The following SEMA3E variants were observed in gnomAD, a reference collection of about 807,000 sequenced individuals.
SEMA3E encodes the protein semaphorin 3E.
SEMA3E carries 49 observed loss-of-function variants against 93.6 expected under a neutral mutation model. The ratio of observed to expected loss-of-function variants is 0.52; its 90% CI spans 0.42 to 0.66. SEMA3E has a LOEUF of 0.66. SEMA3E is among the 30% of genes least tolerant of loss of function. SEMA3E has a pLI of 0.00. For missense variants in SEMA3E, 906 were observed against 964.8 expected, an observed-to-expected ratio of 0.94 and a Z score of 0.81; for synonymous variants, 363 against 330.7, an observed-to-expected ratio of 1.10 and a Z score of -1.06.
chr7:83,610,979 A>C (rs564014495), intron 1 of SEMA3E, among the ~76,000 whole-genome samples: 23 of 151,944 alleles, frequency 1.5e-4, no homozygotes, highest in Non-Finnish European at 3.1e-4. Context: ...CTTGCTTTAT[A>C]TTTAAGAGAA....
intron 4 of SEMA3E, among the ~76,000 whole-genome samples, chr7:83,434,986 T>G (rs528752724): frequency 7.9e-5 from 12 of 152,210 alleles, no homozygotes. Context: ...GTGCTGGGAT[T>G]ACAGGCGTGA....
At chr7:83,526,038 T>A (rs1379006772) in intron 1 of SEMA3E, among the ~76,000 whole-genome samples, 6 of 152,042 alleles carry the variant, frequency 3.9e-5, no homozygotes, top group Admixed American at 2.6e-4. Flanking sequence ...CAACTGTGTC[T>A]CTGGAGAGCT....
At position 83,571,804 on chromosome 7, in the gene SEMA3E, T is replaced by C. The variant is rs183567995; in HGVS notation, c.115+76624A>G. 1.5e-3 allele frequency among the ~76,000 whole-genome samples: 226 copies of C among 152,334 alleles called. 1 individual carries two copies. Among genetic ancestry groups the C allele is most frequent in the African/African-American group, 5.4e-3 (223 of 41,588 alleles). On this transcript the variant is annotated intron_variant, in intron 1 of 16. Transcript: ENST00000643230. Reference sequence around the variant, plus strand: ...AAATTATCTCTCTTTGCTGACAGTATGAATCTTTACATAGAAAACCCTGAA... The same window carrying C: ...AAATTATCTCTCTTTGCTGACAGTACGAATCTTTACATAGAAAACCCTGAA...
intron 4 of SEMA3E, among the ~76,000 whole-genome samples, chr7:83,445,872 G>A (rs370206826): frequency 8.5e-5 from 13 of 152,202 alleles, no homozygotes; most frequent in Admixed American, 2.0e-4. Context: ...TTTACTTTAC[G>A]GCCTCCATTT....
intron 16 of SEMA3E, among the ~76,000 whole-genome samples, chr7:83,382,022 A>C (rs1787787312): frequency 6.6e-6 from 1 of 151,998 alleles, no homozygotes. Context: ...CTGACAAAGA[A>C]AAATCTATAT....
intron 1 of SEMA3E, among the ~76,000 whole-genome samples, chr7:83,640,240 C>T (rs780878408): frequency 2.0e-5 from 3 of 152,130 alleles, no homozygotes; most frequent in Non-Finnish European, 4.4e-5. Context: ...GATTCTGTTC[C>T]ACCACTCTAT....
intron 1 of SEMA3E, among the ~76,000 whole-genome samples, chr7:83,505,399 T>G (rs1187565711): frequency 1.3e-5 from 2 of 152,110 alleles, no homozygotes; most frequent in Non-Finnish European, 1.5e-5. Flanking sequence ...GGAGATCATA[T>G]CCCTAAAAAT....
chr7:83,509,625 A>G (rs957454810), intron 1 of SEMA3E, among the ~76,000 whole-genome samples: 9 of 152,130 alleles, frequency 5.9e-5, no homozygotes, highest in African/African-American at 1.7e-4. Flanking sequence ...TTCATTTCCA[A>G]TTTTGACTCT....
chr7:83,405,062 G>A (rs146554201), intron 9 of SEMA3E, among the ~76,000 whole-genome samples: 224 of 151,990 alleles, frequency 1.5e-3, no homozygotes, highest in African/African-American at 5.3e-3. Context: ...TGAAAGCCTG[G>A]CTTGGAAAAT....
At chr7:83,380,919 A>G (rs1041836118) in intron 16 of SEMA3E, among the ~76,000 whole-genome samples, 1 of 152,012 alleles carries the variant, frequency 6.6e-6, no homozygotes, top group African/African-American at 2.4e-5. Flanking sequence ...AGTGAAAAAT[A>G]TAGCAAAGCA....
chr7:83,567,723 A>C (rs961747215), intron 1 of SEMA3E, among the ~76,000 whole-genome samples: 69 of 152,082 alleles, frequency 4.5e-4, no homozygotes, highest in African/African-American at 1.6e-3. Context: ...ATCCTGAAAC[A>C]TAATATACAA....
At chr7:83,592,092 T>C (rs1792767217) in intron 1 of SEMA3E, among the ~76,000 whole-genome samples, 1 of 152,106 alleles carries the variant, frequency 6.6e-6, no homozygotes, top group Non-Finnish European at 1.5e-5. Flanking sequence ...TTAATGAATA[T>C]TTTAACAGTT....
rs1794625003 is a variant in SEMA3E, at chr7:83,363,913, A to C, written c.*3673T>G. On this transcript the variant is annotated 3_prime_UTR_variant, in exon 17 of 17. Coordinates refer to ENST00000643230, the MANE Select transcript of SEMA3E (RefSeq NM_012431.3). ...TTTTTTTTTTTTTTTTTTGAGACGG[A>C]GTCTCGCTCTGTCGCCCAGGCCGGA... 1 of 100,578 alleles carries C rather than the reference A, an allele frequency of 9.9e-6. No homozygotes were observed. The highest frequency in any genetic ancestry group is 1.7e-5 in the Non-Finnish European group (1 of 57,440). The allele number at this position is 100,578 out of a possible 1,614,324, so 6.2% of individuals were successfully genotyped here. A position where few individuals can be genotyped will look rare whatever the true frequency, so the allele number is the denominator to read the frequency against.
rs1010391970 is a variant in SEMA3E at position 83,363,253 on chromosome 7, A to G, written c.*4333T>C. ...CAGACGACACTTGAGAGTTTAGCAA[A>G]TATTTATTTCTTTTTCATCGAAGTT... On this transcript the variant is annotated 3_prime_UTR_variant, in exon 17 of 17. Transcript: ENST00000643230. 8 of 152,220 alleles carry G rather than the reference A, an allele frequency of 5.3e-5. No individual in the cohort carries two copies. The highest frequency in any genetic ancestry group is 1.0e-4 in the Non-Finnish European group (7 of 68,050). 9.4% of individuals were successfully genotyped at this position (152,220 alleles called of 1,614,324 possible). A position where few individuals can be genotyped will look rare whatever the true frequency, so the allele number is the denominator to read the frequency against.
intron 1 of SEMA3E, among the ~76,000 whole-genome samples, chr7:83,568,994 A>G (rs1023775509): frequency 7.2e-5 from 11 of 152,236 alleles, no homozygotes; most frequent in African/African-American, 2.6e-4. Flanking sequence ...ATATTTCACC[A>G]AAAAACCTCC....
At chr7:83,431,093 AG>A (rs1349031577) in intron 4 of SEMA3E, among the ~76,000 whole-genome samples, 8 of 3,808 alleles carry the variant, frequency 2.1e-3, no homozygotes, top group Admixed American at 6.3e-3. Flanking sequence ...AAGAAAAAAA[AG>A]AAAAAAAAAA....
At chr7:83,575,087 T>G (rs1333932396) in intron 1 of SEMA3E, among the ~76,000 whole-genome samples, 4 of 152,146 alleles carry the variant, frequency 2.6e-5, no homozygotes, top group Non-Finnish European at 5.9e-5. Flanking sequence ...GGCTTCAGAA[T>G]TGGTGACTAT....
chr7:83,648,104 C>T (rs1431546285), intron 1 of SEMA3E, among the ~76,000 whole-genome samples: 1 of 152,148 alleles, frequency 6.6e-6, no homozygotes, highest in Non-Finnish European at 1.5e-5. Context: ...TTCAGCCTCT[C>T]AAGGCTATTT....
At chr7:83,494,898 C>T (rs1444690945) in intron 1 of SEMA3E, among the ~76,000 whole-genome samples, 1 of 151,876 alleles carries the variant, frequency 6.6e-6, no homozygotes, top group African/African-American at 2.4e-5. Flanking sequence ...CTGGCTTCAT[C>T]TAGATTGAAT....
Sources: allele counts gnomAD v4.1 joint callset (sites outside exome capture counted in the v4.1 genomes callset), GRCh38; gene constraint gnomAD v4.1.1; transcripts MANE v1.5; gene names NCBI Gene and HGNC (gene_info 2026-07-23, HGNC 2026-07-21).